Variants in SESN3 observed in about 807,000 individuals in gnomAD.
SESN3 encodes sestrin-3.
SESN3 carries 21 observed loss-of-function variants against 55.3 expected under a neutral mutation model. The observed-to-expected ratio is 0.38, with a 90% CI of 0.27 to 0.55. SESN3 has a LOEUF of 0.55. Ranked by LOEUF, SESN3 falls within the 20% of genes least tolerant of loss-of-function variation. SESN3 has a pLI of 0.76. For synonymous variants in SESN3, 181 were observed against 203.1 expected, an observed-to-expected ratio of 0.89 and a Z score of 0.93; for missense variants, 408 against 604.3, an observed-to-expected ratio of 0.68 and a Z score of 3.41.
intron 8 of SESN3, among the ~76,000 whole-genome samples, chr11:95,177,456 T>C (rs1212894669): frequency 6.6e-6 from 1 of 152,216 alleles, no homozygotes; most frequent in Non-Finnish European, 1.5e-5. Context: ...AAATTTGGTC[T>C]AATTCTATCC....
At chr11:95,174,294 A>G (rs1432304438) in intron 9 of SESN3, among the ~76,000 whole-genome samples, 9 of 152,230 alleles carry the variant, frequency 5.9e-5, no homozygotes, top group Admixed American at 5.9e-4. Flanking sequence ...TTAAAGGTTA[A>G]AAGTCCTAGG....
chr11:95,220,102 A>G (rs990222521), intron 1 of SESN3, among the ~76,000 whole-genome samples: 6 of 152,158 alleles, frequency 3.9e-5, no homozygotes, highest in Non-Finnish European at 7.4e-5. Flanking sequence ...TAGATTCTGT[A>G]GACTATAGGG....
At chr11:95,206,611 A>G (rs1860553760) in intron 1 of SESN3, among the ~76,000 whole-genome samples, 1 of 152,020 alleles carries the variant, frequency 6.6e-6, no homozygotes, top group Admixed American at 6.6e-5. Flanking sequence ...CCCATTTTCC[A>G]GATTAGTTTG....
At chr11:95,190,018 A>G in intron 3 of SESN3, 57 bp from the exon 4 acceptor site, 1 of 1,301,326 alleles carries the variant, frequency 7.7e-7, no homozygotes, top group South Asian at 1.5e-5. Flanking sequence ...GTTTCTTTCC[A>G]CTATTTCTAA....
chr11:95,222,949 T>C (rs1860884500), intron 1 of SESN3, among the ~76,000 whole-genome samples: 1 of 152,216 alleles, frequency 6.6e-6, no homozygotes, highest in Non-Finnish European at 1.5e-5. Flanking sequence ...ATTTACTTTA[T>C]ATAGTGAATT....
In SESN3 at chr11:95,165,671, A is replaced by C. The variant is rs1319180389; in HGVS notation, c.*7584T>G. 2 of 152,216 alleles carry C rather than the reference A, an allele frequency of 1.3e-5. No individual in the cohort carries two copies. Among genetic ancestry groups the C allele is most frequent in the African/African-American group, 4.8e-5 (2 of 41,458 alleles). The allele number at this position is 152,216 out of a possible 1,614,324, so 9.4% of individuals were successfully genotyped here. ...GTTCTGTACCTATAAATAGATTTTC[A>C]AAATGTCATAAAAAGTGCAGTTATG... On this transcript the variant is annotated 3_prime_UTR_variant, in exon 10 of 10. Coordinates refer to ENST00000536441, the MANE Select transcript of SESN3 (RefSeq NM_144665.4).
chr11:95,199,741 GA>G (rs1860427485), intron 1 of SESN3, among the ~76,000 whole-genome samples: 2 of 151,676 alleles, frequency 1.3e-5, no homozygotes, highest in Non-Finnish European at 2.9e-5. Flanking sequence ...ATTAAAAGTG[GA>G]AAAGCAAAAT....
At chr11:95,226,933 T>C (rs1242387410) in intron 1 of SESN3, among the ~76,000 whole-genome samples, 1 of 152,204 alleles carries the variant, frequency 6.6e-6, no homozygotes, top group South Asian at 2.1e-4. Flanking sequence ...TGAAAACCAT[T>C]GCATAAAGGT....
chr11:95,175,531 A>G lies in SESN3; in HGVS notation c.1359T>C (p.Asp453=). Residue 453 remains aspartate (D), a synonymous_variant, in exon 9 of 10, where the codon GAT becomes GAC. Transcript: ENST00000536441. ...YPERTTKRMY[D]SYWRQFKHSE... is the part of the protein sequence containing the mutation. ...AGTGTTTGAACTGCCGCCAGTAACTATCATACATGCGTTTTGTAGTTCTCT... is the reference window on the plus strand; with the variant it reads ...AGTGTTTGAACTGCCGCCAGTAACTGTCATACATGCGTTTTGTAGTTCTCT... 2 of 1,613,968 alleles carry G rather than the reference A, an allele frequency of 1.2e-6. No individual in the cohort carries two copies. Among genetic ancestry groups the G allele is most frequent in the South Asian group, 1.1e-5 (1 of 91,082 alleles).
rs1444414044 is a variant in SESN3, at chr11:95,172,967, A to AT, written c.*287dup. 3.2e-6 allele frequency: 1 copy of AT among 312,170 alleles called. No individual in the cohort carries two copies. Among genetic ancestry groups the AT allele is most frequent in the African/African-American group, 2.1e-5 (1 of 47,274 alleles). 19.3% of individuals were successfully genotyped at this position (312,170 alleles called of 1,614,324 possible). The stretch of plus-strand genomic sequence containing the variant: ...CCAAAGGCGCTGAAGTTAAGCATTA[A>AT]TACGCCAGATTCATGATTTATGATC... On this transcript the variant is annotated 3_prime_UTR_variant, in exon 10 of 10. Transcript: ENST00000536441.
chr11:95,209,069 T>C (rs1412850560), intron 1 of SESN3, among the ~76,000 whole-genome samples: 2 of 150,738 alleles, frequency 1.3e-5, no homozygotes, highest in South Asian at 2.1e-4. Context: ...AATAGACAAA[T>C]GGGATCTAAT....
intron 1 of SESN3, among the ~76,000 whole-genome samples, chr11:95,204,455 CCT>C (rs1860511826): frequency 6.6e-6 from 1 of 151,880 alleles, no homozygotes; most frequent in African/African-American, 2.4e-5. Context: ...TTTTTTTAAA[CCT>C]CTGTTATGTA....
rs78662949 is a variant in SESN3 at position 95,214,008 on chromosome 11, C to T, written c.78+16775G>A. On this transcript the variant is annotated intron_variant, in intron 1 of 9. Coordinates refer to ENST00000536441, the MANE Select transcript of SESN3 (RefSeq NM_144665.4). ...TAACTGACAGGAAATATTCTCATAC[C>T]TTACTTTTGCCATACTGCTATTTTA... Among the ~76,000 whole-genome samples the T allele has an allele frequency of 6.6e-3, 1,010 of 152,272 alleles. 10 individuals are homozygous for T. Among genetic ancestry groups the T allele is most frequent in the African/African-American group, 0.023 (973 of 41,562 alleles).
At chr11:95,196,099 T>A (rs958880607) in intron 1 of SESN3, among the ~76,000 whole-genome samples, 1 of 152,158 alleles carries the variant, frequency 6.6e-6, no homozygotes, top group African/African-American at 2.4e-5. Flanking sequence ...AAAATATTTG[T>A]TTATATACCG....
intron 7 of SESN3, 31 bp from the exon 8 acceptor site, chr11:95,177,940 G>A (rs750257717): frequency 7.0e-7 from 1 of 1,426,788 alleles, no homozygotes; most frequent in Non-Finnish European, 9.6e-7. Context: ...TAATTACAAA[G>A]TGGGCATTTT....
At position 95,169,481 on chromosome 11, in the gene SESN3, A is replaced by C. The variant is rs1217563531; in HGVS notation, c.*3774T>G. On this transcript the variant is annotated 3_prime_UTR_variant, in exon 10 of 10. Coordinates refer to ENST00000536441, the MANE Select transcript of SESN3 (RefSeq NM_144665.4). Reference sequence around the variant, plus strand: ...TGTTAAGACCATCTCTTTGCATAAAAGCAGTTCTATTAAAGAGAAGAATTT... The same window carrying C: ...TGTTAAGACCATCTCTTTGCATAAACGCAGTTCTATTAAAGAGAAGAATTT... 6.6e-6 allele frequency: 1 copy of C among 152,254 alleles called. No homozygotes were observed. The highest frequency in any genetic ancestry group is 1.5e-5 in the Non-Finnish European group (1 of 68,042). The allele number at this position is 152,254 out of a possible 1,614,324, so 9.4% of individuals were successfully genotyped here.
intron 1 of SESN3, among the ~76,000 whole-genome samples, chr11:95,207,902 G>C (rs901309793): frequency 6.6e-6 from 1 of 151,146 alleles, no homozygotes; most frequent in African/African-American, 2.4e-5. Context: ...TCGAACTCAA[G>C]AGTTCAAGTG....
chr11:95,186,186 A>G (rs1009614000), intron 4 of SESN3, among the ~76,000 whole-genome samples: 2 of 42,934 alleles, frequency 4.7e-5, no homozygotes, highest in Non-Finnish European at 1.0e-4. Context: ...CTCTCTCTCT[A>G]TCTCTCACTG....
chr11:95,195,468 A>G (rs1860343990), intron 1 of SESN3, among the ~76,000 whole-genome samples: 1 of 152,196 alleles, frequency 6.6e-6, no homozygotes, highest in African/African-American at 2.4e-5. Context: ...TTGAGCATCT[A>G]CAATGTGCTA....
Sources: allele counts gnomAD v4.1 joint callset (sites outside exome capture counted in the v4.1 genomes callset), GRCh38; gene constraint gnomAD v4.1.1; transcripts MANE v1.5; gene names NCBI Gene and HGNC (gene_info 2026-07-23, HGNC 2026-07-21).